CPEB3: variants seen among roughly 807,000 people sequenced by gnomAD.
CPEB3 encodes the protein cytoplasmic polyadenylation element binding protein 3.
Under a neutral mutation model 67.2 loss-of-function variants are expected in CPEB3, and 20 were observed. That is an observed-to-expected ratio of 0.30 (90% confidence interval 0.21 to 0.43). The LOEUF is 0.43. Among genes scored for constraint, CPEB3 ranks in the 20% least tolerant of loss-of-function variants. The pLI, the probability that CPEB3 is intolerant of heterozygous loss-of-function variation, is 1.00. For missense variants in CPEB3, 746 were observed against 968.6 expected, an observed-to-expected ratio of 0.77 and a Z score of 3.05; for synonymous variants, 376 against 393.1, an observed-to-expected ratio of 0.96 and a Z score of 0.51.
intron 9 of CPEB3, among the ~76,000 whole-genome samples, chr10:92,080,178 G>T (rs562615841): frequency 2.9e-4 from 43 of 149,906 alleles, no homozygotes; most frequent in South Asian, 1.9e-3. Context: ...CTGCACTCCA[G>T]CCTGGGTGAC....
chr10:92,225,706 G>A (rs1488686044), intron 2 of CPEB3, among the ~76,000 whole-genome samples: 1 of 152,142 alleles, frequency 6.6e-6, no homozygotes, highest in Non-Finnish European at 1.5e-5. Flanking sequence ...TAAACAGAAT[G>A]ATCTCCACTA....
chr10:92,187,481 G>T (rs897978263), intron 3 of CPEB3, among the ~76,000 whole-genome samples: 6 of 152,202 alleles, frequency 3.9e-5, no homozygotes, highest in African/African-American at 1.2e-4. Flanking sequence ...TGAAGAAAAA[G>T]TAACTCCTCC....
At chr10:92,149,245 T>C (rs1475185650) in intron 4 of CPEB3, among the ~76,000 whole-genome samples, 1 of 152,218 alleles carries the variant, frequency 6.6e-6, no homozygotes, top group South Asian at 2.1e-4. Context: ...ATAGAGACCA[T>C]GATATTCTCA....
chr10:92,279,785 C>T (rs978712031), intron 1 of CPEB3, among the ~76,000 whole-genome samples: 4 of 151,974 alleles, frequency 2.6e-5, no homozygotes, highest in Admixed American at 6.6e-5. Context: ...GTGGATCGCT[C>T]GATCTCTTGA....
intron 4 of CPEB3, among the ~76,000 whole-genome samples, chr10:92,173,201 T>C (rs1312128968): frequency 2.0e-5 from 3 of 152,194 alleles, no homozygotes; most frequent in East Asian, 1.9e-4. Flanking sequence ...ATGCTGTAAA[T>C]GTGAAGTCCA....
chr10:92,143,706 T>G (rs1028279029), intron 5 of CPEB3, among the ~76,000 whole-genome samples: 4 of 152,186 alleles, frequency 2.6e-5, no homozygotes, highest in Non-Finnish European at 5.9e-5. Flanking sequence ...CTCTGACATA[T>G]GACTCAAAGC....
At chr10:92,254,169 C>T (rs1474151930) in intron 1 of CPEB3, among the ~76,000 whole-genome samples, 1 of 151,720 alleles carries the variant, frequency 6.6e-6, no homozygotes, top group African/African-American at 2.4e-5. Flanking sequence ...GTTGAGGCTG[C>T]AGTGAGCCAT....
chr10:92,190,622 G>C (rs1376205857), intron 3 of CPEB3, among the ~76,000 whole-genome samples: 2 of 134,644 alleles, frequency 1.5e-5, no homozygotes, highest in Admixed American at 8.0e-5. Context: ...CCAAGATCAC[G>C]CCATTGCACT....
At chr10:92,236,426 T>C (rs1253856638) in intron 2 of CPEB3, among the ~76,000 whole-genome samples, 3 of 152,148 alleles carry the variant, frequency 2.0e-5, no homozygotes, top group Admixed American at 6.6e-5. Context: ...TAAAGAAGTA[T>C]TATAGTTTGT....
chr10:92,125,084 C>T (rs1026060205), intron 6 of CPEB3, among the ~76,000 whole-genome samples: 2 of 152,218 alleles, frequency 1.3e-5, no homozygotes, highest in East Asian at 3.8e-4. Flanking sequence ...GCAAGCCAGC[C>T]TAGCCAGTGC....
chr10:92,062,961 A>G (rs1258334283), intron 9 of CPEB3, among the ~76,000 whole-genome samples: 2 of 152,242 alleles, frequency 1.3e-5, no homozygotes, highest in Non-Finnish European at 2.9e-5. Flanking sequence ...CATAAGCCTA[A>G]TGGAGATGAC....
Position 92,091,411 on chromosome 10 carries a change from T to C in CPEB3, c.1687+419A>G, listed in dbSNP as rs569692165. The stretch of plus-strand genomic sequence containing the variant: ...ACACTTCAAACTCTCCAGTCAATTA[T>C]GATTCTGCTCAAATCCAGCAGCACA... On this transcript the variant is annotated intron_variant, in intron 8 of 9. Coordinates refer to ENST00000265997, the MANE Select transcript of CPEB3 (RefSeq NM_014912.5). Among the ~76,000 whole-genome samples the C allele has an allele frequency of 3.9e-5, 6 of 152,114 alleles. No individual in the cohort carries two copies. In the South Asian group the frequency reaches 1.2e-3, roughly 32 times the overall value.
chr10:92,128,925 A>G (rs1002041879), intron 6 of CPEB3, among the ~76,000 whole-genome samples: 1 of 152,236 alleles, frequency 6.6e-6, no homozygotes, highest in Non-Finnish European at 1.5e-5. Context: ...ATTGTGGAAA[A>G]CAGTGTGGCA....
chr10:92,067,398 G>A (rs188286201), intron 9 of CPEB3, among the ~76,000 whole-genome samples: 175 of 152,196 alleles, frequency 1.1e-3, no homozygotes, highest in Middle Eastern at 0.01. Flanking sequence ...TACTTGGGAG[G>A]CTGAGGCAGG....
intron 2 of CPEB3, among the ~76,000 whole-genome samples, chr10:92,225,157 T>C (rs1442968697): frequency 6.6e-6 from 1 of 151,964 alleles, no homozygotes; most frequent in African/African-American, 2.4e-5. Context: ...GTATTTTTAG[T>C]AGAGATGGGG....
intron 1 of CPEB3, among the ~76,000 whole-genome samples, chr10:92,250,162 A>G (rs575110113): frequency 6.6e-5 from 10 of 151,826 alleles, no homozygotes; most frequent in African/African-American, 1.7e-4. Context: ...ATCTGAGCTC[A>G]CTGCCAGCTC....
chr10:92,078,802 C>G (rs1309943110), intron 9 of CPEB3, among the ~76,000 whole-genome samples: 1 of 152,160 alleles, frequency 6.6e-6, no homozygotes, highest in Non-Finnish European at 1.5e-5. Context: ...TACTGAGGAC[C>G]TGAGCCTCGC....
Position 92,049,972 on chromosome 10 carries a change from AACTT to A in CPEB3, c.*2236_*2239del, listed in dbSNP as rs1335918477. ...AAATTAATATATATTTTTCTGAATA[AACTT>A]ACTTAGAAAATATCATTTTCTTTCC... On this transcript the variant is annotated 3_prime_UTR_variant, in exon 10 of 10. Coordinates refer to ENST00000265997, the MANE Select transcript of CPEB3 (RefSeq NM_014912.5). 3 of 152,510 alleles carry A rather than the reference AACTT, an allele frequency of 2.0e-5. No individual in the cohort carries two copies. The East Asian group carries it at 5.8e-4, about 29-fold the overall frequency. 9.4% of individuals were successfully genotyped at this position (152,510 alleles called of 1,614,324 possible). A position where few individuals can be genotyped will look rare whatever the true frequency, so the allele number is the denominator to read the frequency against.
chr10:92,148,953 C>T (rs1411460096), intron 4 of CPEB3, among the ~76,000 whole-genome samples: 4 of 147,556 alleles, frequency 2.7e-5, no homozygotes, highest in East Asian at 2.0e-4. Flanking sequence ...CAAGCTGAAG[C>T]GCAGTGGCAC....
Sources: allele counts gnomAD v4.1 joint callset (sites outside exome capture counted in the v4.1 genomes callset), GRCh38; gene constraint gnomAD v4.1.1; transcripts MANE v1.5; gene names NCBI Gene and HGNC (gene_info 2026-07-23, HGNC 2026-07-21).